The following RAPGEF6 variants were observed in gnomAD, a reference collection of about 807,000 sequenced individuals.
RAPGEF6 encodes PDZ domain containing guanine nucleotide exchange factor (GEF) 2.
RAPGEF6 carries 56 observed loss-of-function variants against 171.4 expected under a neutral mutation model. The ratio of observed to expected loss-of-function variants is 0.33; its 90% CI spans 0.26 to 0.41. RAPGEF6 has a LOEUF of 0.41. Ranked by LOEUF, RAPGEF6 falls within the 10% of genes least tolerant of loss-of-function variation. The pLI is 1.00. For synonymous variants in RAPGEF6, 692 were observed against 650.1 expected (o/e 1.06, Z -0.98); for missense variants, 1,674 against 1,921.4 (o/e 0.87, Z 2.41).
chr5:131,503,998 TTC>T (rs1180810153), intron 11 of RAPGEF6, among the ~76,000 whole-genome samples: 3 of 152,264 alleles, frequency 2.0e-5, no homozygotes, highest in African/African-American at 7.2e-5. Context: ...TCCTTAAATT[TTC>T]TGTTTTGTTT....
intron 16 of RAPGEF6, among the ~76,000 whole-genome samples, chr5:131,476,261 A>C (rs1384998481): frequency 6.6e-6 from 1 of 152,168 alleles, no homozygotes. Flanking sequence ...TATTAGAAAC[A>C]GAACTACTGA....
intron 14 of RAPGEF6, 36 bp from the exon 15 acceptor site, chr5:131,489,690 A>T: frequency 3.4e-6 from 4 of 1,180,622 alleles, no homozygotes; most frequent in Non-Finnish European, 4.8e-6. Flanking sequence ...TTAATACAGA[A>T]CAGTATTAGT....
intron 5 of RAPGEF6, among the ~76,000 whole-genome samples, chr5:131,559,135 C>T (rs929656786): frequency 6.6e-6 from 1 of 152,004 alleles, no homozygotes; most frequent in African/African-American, 2.4e-5. Context: ...TCAAAACCAG[C>T]CTGGCCAACA....
chr5:131,525,270 A>G (rs1403312998), intron 6 of RAPGEF6, among the ~76,000 whole-genome samples: 2 of 152,198 alleles, frequency 1.3e-5, no homozygotes, highest in African/African-American at 4.8e-5. Context: ...AAAAATTTAC[A>G]ATTAAGGCAA....
At chr5:131,500,200 T>A (rs1756929409) in intron 11 of RAPGEF6, among the ~76,000 whole-genome samples, 1 of 152,166 alleles carries the variant, frequency 6.6e-6, no homozygotes, top group Non-Finnish European at 1.5e-5. Flanking sequence ...CCTGGCCCTA[T>A]TTTATTAATT....
intron 5 of RAPGEF6, among the ~76,000 whole-genome samples, chr5:131,553,116 T>C (rs538722214): frequency 2.6e-5 from 4 of 152,176 alleles, no homozygotes; most frequent in African/African-American, 7.2e-5. Context: ...GAACAACCAA[T>C]AGCAATCTAC....
chr5:131,621,290 T>C (rs556983401), intron 1 of RAPGEF6, among the ~76,000 whole-genome samples: 21 of 152,154 alleles, frequency 1.4e-4, no homozygotes, highest in Non-Finnish European at 2.8e-4. Flanking sequence ...AGGCTTTATT[T>C]TCTTTTTCTT....
chr5:131,604,906 C>A (rs918154949), intron 1 of RAPGEF6, among the ~76,000 whole-genome samples: 1 of 152,086 alleles, frequency 6.6e-6, no homozygotes. Context: ...TGACCAATGG[C>A]CTCTATTCAT....
At chr5:131,475,020 T>C (rs1385675126) in intron 16 of RAPGEF6, among the ~76,000 whole-genome samples, 1 of 152,216 alleles carries the variant, frequency 6.6e-6, no homozygotes, top group African/African-American at 2.4e-5. Flanking sequence ...GTACAGAAAA[T>C]ACGAAAAGTC....
intron 2 of RAPGEF6, 26 bp downstream of exon 2, chr5:131,604,597 G>A (rs369229908): frequency 1.9e-6 from 3 of 1,605,426 alleles, no homozygotes; most frequent in African/African-American, 2.7e-5. Context: ...TACAGCGTGT[G>A]CTCTTAAATA....
intron 4 of RAPGEF6, among the ~76,000 whole-genome samples, chr5:131,588,500 T>C (rs1763395044): frequency 6.6e-6 from 1 of 152,154 alleles, no homozygotes; most frequent in Non-Finnish European, 1.5e-5. Context: ...CCCAGCACTT[T>C]GGGAGGCCAA....
chr5:131,489,604 G>A lies in RAPGEF6; in HGVS notation c.1782C>T (p.Ala594=), dbSNP rs1172049180. ...QNFENITFMK[A]VEILRNNTHL... is the part of the protein sequence containing the mutation. The stretch of plus-strand genomic sequence containing the variant: ...GAGTATTATTCCTCAAAATTTCAAC[G>A]GCTTTCATAAATGTAATATTCTCAA... Residue 594 remains alanine, a synonymous_variant, in exon 15 of 28, where the codon GCC becomes GCT. Coordinates refer to ENST00000509018, the MANE Select transcript of RAPGEF6 (RefSeq NM_016340.6). The A allele has an allele frequency of 3.8e-6, 6 of 1,597,468 alleles. No homozygotes were observed. The highest frequency in any genetic ancestry group is 3.4e-5 in the South Asian group (3 of 87,822).
At position 131,424,720 on chromosome 5, in the gene RAPGEF6, T is replaced by C. The variant is rs556461546; in HGVS notation, c.*2546A>G. The C allele has an allele frequency of 3.4e-4, 52 of 152,404 alleles. 2 individuals are homozygous for C. The highest frequency in any genetic ancestry group is 2.0e-3 in the Admixed American group (30 of 15,298). The allele number at this position is 152,404 out of a possible 1,614,324, so 9.4% of individuals were successfully genotyped here. On this transcript the variant is annotated 3_prime_UTR_variant, in exon 28 of 28. Transcript: ENST00000509018. ...AATTATTAACTTTAATAAGCTTTTA[T>C]GGAATCATGTACTGGATTTACTAAT... is the stretch of plus-strand genomic sequence containing the variant.
intron 4 of RAPGEF6, among the ~76,000 whole-genome samples, chr5:131,584,922 G>T (rs1763155775): frequency 6.6e-6 from 1 of 152,164 alleles, no homozygotes. Context: ...GTCTGTACAG[G>T]TGGGCAGGAA....
intron 1 of RAPGEF6, among the ~76,000 whole-genome samples, chr5:131,605,578 G>A (rs1363105623): frequency 6.6e-6 from 1 of 152,204 alleles, no homozygotes; most frequent in South Asian, 2.1e-4. Context: ...GAGGAATAAT[G>A]CCTTTATACC....
intron 21 of RAPGEF6, among the ~76,000 whole-genome samples, chr5:131,450,581 A>G (rs989714253): frequency 2.0e-5 from 3 of 152,190 alleles, no homozygotes; most frequent in East Asian, 1.9e-4. Context: ...AAGAAAAAAC[A>G]TATCATTAAA....
At chr5:131,523,279 CTTTTTTTTTTTT>C (rs1171953953) in intron 6 of RAPGEF6, among the ~76,000 whole-genome samples, 33 of 66,654 alleles carry the variant, frequency 5.0e-4, no homozygotes, top group African/African-American at 1.5e-3. Flanking sequence ...CTGTTGTATG[CTTTTTTTTTTTT>C]TTTTTTTTTT....
At chr5:131,461,517 G>A (rs935535615) in intron 19 of RAPGEF6, among the ~76,000 whole-genome samples, 188 bp downstream of exon 19, 26 of 152,132 alleles carry the variant, frequency 1.7e-4, no homozygotes, top group Non-Finnish European at 4.4e-5. Flanking sequence ...GTAAAAGAAA[G>A]ATGGAAGAAA....
At chr5:131,560,508 CA>C (rs1399245284) in intron 5 of RAPGEF6, among the ~76,000 whole-genome samples, 105 of 152,160 alleles carry the variant, frequency 6.9e-4, no homozygotes, top group African/African-American at 2.4e-3. Flanking sequence ...ATGAGAAATA[CA>C]AAATACAACT....
Sources: gnomAD v4.1 joint callset for allele counts (sites outside exome capture counted in the v4.1 genomes callset) on GRCh38, gnomAD v4.1.1 for gene constraint, MANE v1.5 for transcripts, NCBI Gene and HGNC (gene_info 2026-07-23, HGNC 2026-07-21) for gene names.